Variants in TRANK1 observed in about 807,000 individuals in gnomAD.
TRANK1 encodes tetratricopeptide repeat and ankyrin repeat containing 1, also known as TPR and ankyrin repeat-containing protein 1.
TRANK1 carries 198 observed loss-of-function variants against 266.0 expected under a neutral mutation model. The observed-to-expected ratio is 0.74, with a 90% confidence interval of 0.66 to 0.84. The LOEUF is 0.84. TRANK1 is among the 40% of genes least tolerant of loss of function. TRANK1 has a pLI of 0.00. For synonymous variants in TRANK1, 1,396 were observed against 1,384.1 expected (o/e 1.01, Z -0.19); for missense variants, 3,326 against 3,634.6 (o/e 0.92, Z 2.18).
chr3:36,874,083 C>T, intron 9 of TRANK1, 43 bp downstream of exon 9: 1 of 1,495,332 alleles, frequency 6.7e-7, no homozygotes, highest in Non-Finnish European at 8.9e-7. Context: ...TGTCACAGAA[C>T]CAGTTTTATG....
chr3:36,854,519 A>G (rs979255131), intron 13 of TRANK1, among the ~76,000 whole-genome samples: 9 of 152,226 alleles, frequency 5.9e-5, no homozygotes, highest in Non-Finnish European at 1.3e-4. Context: ...GCCAAAGGAG[A>G]TAAATTTGTT....
chr3:36,860,775 T>C (rs2079130884), intron 11 of TRANK1, 131 bp downstream of exon 11: 1 of 1,320,962 alleles, frequency 7.6e-7, no homozygotes, highest in Non-Finnish European at 1.0e-6. Context: ...AAAACAAGAA[T>C]ATACAGGGTA....
chr3:36,847,123 T>TC (rs1404449457), intron 16 of TRANK1, 77 bp downstream of exon 16: 1 of 1,476,676 alleles, frequency 6.8e-7, no homozygotes, highest in African/African-American at 1.4e-5. Flanking sequence ...GCTCCATTTT[T>TC]CCTCTCATCT....
intron 7 of TRANK1, among the ~76,000 whole-genome samples, chr3:36,890,986 C>T (rs923871579): frequency 5.3e-5 from 8 of 152,194 alleles, no homozygotes; most frequent in Non-Finnish European, 1.2e-4. Context: ...GATTAGATTG[C>T]GTAGCTTTCA....
rs200161360 is a variant in TRANK1, at chr3:36,872,136, CA to C, written c.1078+1989del. On this transcript the variant is annotated intron_variant, in intron 9 of 23. Transcript: ENST00000645898. ...GTGAGTCAGGCTGGGCATGGTGGCT[CA>C]TGCCTATAATCCCAGCACTTTGGGA... Among the ~76,000 whole-genome samples the C allele has an allele frequency of 2.4e-3, 368 of 152,332 alleles. 2 individuals carry two copies. Among genetic ancestry groups the C allele is most frequent in the Admixed American group, 0.014 (220 of 15,302 alleles).
chr3:36,916,458 G>A (rs2080125603), intron 1 of TRANK1, among the ~76,000 whole-genome samples: 1 of 152,184 alleles, frequency 6.6e-6, no homozygotes, highest in Non-Finnish European at 1.5e-5. Context: ...AGCTACTCAG[G>A]AGGCTGAGGC....
chr3:36,838,676 T>C lies in TRANK1; in HGVS notation c.5321A>G (p.Lys1774Arg). The change falls in exon 19 of 24, where the codon AAG (lysine) becomes AGG (arginine). Residue 1774 changes from lysine (K) to arginine (R), a missense_variant. Transcript: ENST00000645898. ...GTCATGGGCCAGGGCCAACTTCTCC[T>C]TCTCAAATGCACCTCCTTTCTGGTA... ...KCYQKGGAFEKEKLALAHDTA... is the reference protein window; with the variant it reads ...KCYQKGGAFEREKLALAHDTA... The C allele has an allele frequency of 6.2e-7, 1 of 1,613,866 alleles. No homozygotes were observed. Among genetic ancestry groups the C allele is most frequent in the East Asian group, 2.2e-5 (1 of 44,884 alleles).
intron 1 of TRANK1, among the ~76,000 whole-genome samples, chr3:36,942,011 C>T (rs1431651742): frequency 6.6e-6 from 1 of 152,194 alleles, no homozygotes. Flanking sequence ...CACACCTCAA[C>T]CTCCACTTCA....
intron 17 of TRANK1, 114 bp from the exon 18 acceptor site, chr3:36,842,824 C>T (rs76226662): frequency 0.054 from 48,817 of 905,608 alleles, 1,767 homozygotes; most frequent in Non-Finnish European, 0.067. Context: ...TTGTTAAAGT[C>T]CTAACTCCCG....
intron 9 of TRANK1, among the ~76,000 whole-genome samples, chr3:36,872,468 A>G (rs913150045): frequency 2.0e-5 from 3 of 152,100 alleles, no homozygotes; most frequent in African/African-American, 4.8e-5. Context: ...GAAAGGAGAA[A>G]CTTTTTTTAA....
intron 8 of TRANK1, among the ~76,000 whole-genome samples, chr3:36,879,133 A>T (rs1335291183): frequency 6.6e-6 from 1 of 151,752 alleles, no homozygotes; most frequent in Admixed American, 6.6e-5. Flanking sequence ...CTTACCTGGG[A>T]CTTTGGTTTT....
chr3:36,847,306 G>A lies in TRANK1; in HGVS notation c.4928C>T (p.Thr1643Ile). 2 of 1,613,716 alleles carry A rather than the reference G, an allele frequency of 1.2e-6. No individual in the cohort carries two copies. The highest frequency in any genetic ancestry group is 2.7e-5 in the African/African-American group (2 of 75,026). ...EWKIISSFTPTSTDSREENRP... is the reference protein window; with the variant it reads ...EWKIISSFTPISTDSREENRP... ...GTTTTCCTCTCTGGAGTCAGTTGAG[G>A]TAGGTGTGAATGAGGAAATGATCTT... Residue 1643 changes from threonine to isoleucine, a missense_variant, in exon 16 of 24, where the codon ACC becomes ATC. By Grantham distance (89) the Thr-to-Ile change is moderately conservative (BLOSUM62 -1). Transcript: ENST00000645898.
chr3:36,943,728 G>T (rs867376163), intron 1 of TRANK1, among the ~76,000 whole-genome samples: 1 of 151,698 alleles, frequency 6.6e-6, no homozygotes, highest in Non-Finnish European at 1.5e-5. Context: ...CGCTCAGCAC[G>T]AGGGAGCAGG....
Position 36,861,022 on chromosome 3 carries a change from T to A in TRANK1, c.1379A>T (p.Asp460Val), listed in dbSNP as rs2079134996. 1 of 1,537,738 alleles carries A rather than the reference T, an allele frequency of 6.5e-7. No homozygotes were observed. The highest frequency in any genetic ancestry group is 8.7e-7 in the Non-Finnish European group (1 of 1,147,062). ...RKVSGEPPLG[D>V]CLIKDCNFSD... is the part of the protein sequence containing the mutation. ...GAAGTTGCAGTCTTTGATGAGGCAA[T>A]CCCCAAGCGGTGGTTCTCCACTTAC... The change falls in exon 11 of 24, where the codon GAT becomes GTT. Residue 460 changes from aspartate to valine, a missense_variant. Physicochemically the swap from Asp to Val is radical, Grantham distance 152. Coordinates refer to ENST00000645898, the MANE Select transcript of TRANK1 (RefSeq NM_001329998.2).
intron 6 of TRANK1, 90 bp downstream of exon 6, chr3:36,892,811 G>C (rs1332536026): frequency 1.5e-5 from 7 of 457,064 alleles, no homozygotes; most frequent in African/African-American, 1.1e-4. Context: ...CTGGGCGAAA[G>C]GGCGAGACTC....
chr3:36,922,568 G>A (rs1421298556), intron 1 of TRANK1, among the ~76,000 whole-genome samples: 1 of 152,104 alleles, frequency 6.6e-6, no homozygotes, highest in Non-Finnish European at 1.5e-5. Flanking sequence ...TCATGCCACT[G>A]CACTGTAGCC....
chr3:36,869,652 C>T (rs1476745419), intron 9 of TRANK1, among the ~76,000 whole-genome samples: 1 of 152,230 alleles, frequency 6.6e-6, no homozygotes, highest in Admixed American at 6.5e-5. Flanking sequence ...TGGGCCTCCT[C>T]CTTTGATTCT....
Position 36,832,267 on chromosome 3 carries a change from T to C in TRANK1, c.7316A>G (p.Lys2439Arg). Residue 2439 changes from lysine (K) to arginine (R), a missense_variant, in exon 22 of 24, where the codon AAG becomes AGG. Transcript: ENST00000645898. Reference sequence around the variant, plus strand: ...GGGGATGAGTGGTTCTTTGCACCTCTTGATGAGGACATTCATGAAACGGAA... The same window carrying C: ...GGGGATGAGTGGTTCTTTGCACCTCCTGATGAGGACATTCATGAAACGGAA... Reference protein sequence around the residue: ...LFFRFMNVLIKRCKEPLIPSI... With the variant: ...LFFRFMNVLIRRCKEPLIPSI... The C allele has an allele frequency of 6.2e-7, 1 of 1,614,012 alleles. No individual in the cohort carries two copies. The highest frequency in any genetic ancestry group is 1.6e-4 in the Middle Eastern group (1 of 6,062).
chr3:36,879,892 G>GTAAACATACAAATATATGTAAATATA (rs1559449240), intron 8 of TRANK1, among the ~76,000 whole-genome samples: 1 of 34,038 alleles, frequency 2.9e-5, no homozygotes, highest in Non-Finnish European at 4.4e-5. Context: ...ATGTAAACAT[G>GTAAACATACAAATATATGTAAATATA]CAAATATATG....
Sources: allele counts gnomAD v4.1 joint callset (sites outside exome capture counted in the v4.1 genomes callset), GRCh38; gene constraint gnomAD v4.1.1; transcripts MANE v1.5; gene names NCBI Gene and HGNC (gene_info 2026-07-23, HGNC 2026-07-21).